The following GABRA1 variants were observed in gnomAD, a reference collection of about 807,000 sequenced individuals.
The protein encoded by GABRA1 is gamma-aminobutyric acid receptor subunit alpha-1.
A neutral mutation model predicts 48.9 loss-of-function variants in GABRA1; 9 were observed. The observed-to-expected ratio is 0.18, with a 90% CI of 0.11 to 0.32. The LOEUF (loss-of-function observed/expected upper bound fraction) is 0.32, where lower values mean the gene tolerates loss of function less well. Among genes scored for constraint, GABRA1 ranks in the 10% least tolerant of loss-of-function variants. The pLI is 1.00. For missense variants in GABRA1, 285 were observed against 553.8 expected, an observed-to-expected ratio of 0.51 and a Z score of 4.87; for synonymous variants, 210 against 198.7, an observed-to-expected ratio of 1.06 and a Z score of -0.48.
At chr5:161,858,684 G>A (rs1031112267) in intron 3 of GABRA1, among the ~76,000 whole-genome samples, 6 of 151,696 alleles carry the variant, frequency 4.0e-5, no homozygotes, top group Non-Finnish European at 8.9e-5. Flanking sequence ...ACAAATTAGG[G>A]CAGATACTTC....
intron 1 of GABRA1, chr5:161,849,152 C>A: frequency 3.6e-6 from 1 of 279,126 alleles, no homozygotes; most frequent in South Asian, 2.9e-5. Flanking sequence ...ACTTTCTTAA[C>A]AACTGAAGTG....
At chr5:161,880,840 T>C (rs1251652745) in intron 6 of GABRA1, among the ~76,000 whole-genome samples, 3 of 152,148 alleles carry the variant, frequency 2.0e-5, no homozygotes, top group Non-Finnish European at 2.9e-5. Context: ...ACTATAGTTT[T>C]ACACCTCACT....
At chr5:161,893,120 G>C (rs1388553442) in intron 8 of GABRA1, among the ~76,000 whole-genome samples, 3 of 151,134 alleles carry the variant, frequency 2.0e-5, no homozygotes, top group African/African-American at 4.9e-5. Flanking sequence ...ATTGGAAAAG[G>C]TTCCTTTAAA....
chr5:161,892,080 G>A (rs898246088), intron 8 of GABRA1, among the ~76,000 whole-genome samples: 20 of 152,262 alleles, frequency 1.3e-4, no homozygotes, highest in African/African-American at 4.1e-4. Context: ...GAGTCTGTTC[G>A]CCTAATGACA....
intron 7 of GABRA1, among the ~76,000 whole-genome samples, chr5:161,883,098 C>G (rs1432530841): frequency 6.6e-6 from 1 of 152,060 alleles, no homozygotes; most frequent in Non-Finnish European, 1.5e-5. Context: ...AATTCCTGAC[C>G]CATCAAAAGC....
intron 8 of GABRA1, among the ~76,000 whole-genome samples, chr5:161,894,897 G>A (rs1462217970): frequency 3.8e-5 from 5 of 130,038 alleles, no homozygotes; most frequent in African/African-American, 1.1e-4. Context: ...GGAAAGATGA[G>A]GCAGTCTTAT....
At chr5:161,857,833 G>A (rs994548408) in intron 3 of GABRA1, among the ~76,000 whole-genome samples, 2 of 151,450 alleles carry the variant, frequency 1.3e-5, no homozygotes, top group African/African-American at 4.8e-5. Flanking sequence ...ACTTTATTTG[G>A]TGGCAAGGTG....
chr5:161,864,733 A>G (rs1381893382), intron 3 of GABRA1, among the ~76,000 whole-genome samples: 1 of 151,910 alleles, frequency 6.6e-6, no homozygotes, highest in African/African-American at 2.4e-5. Flanking sequence ...ACATTTTATA[A>G]ATGTTTGTTT....
chr5:161,880,426 A>G (rs1257898742), intron 6 of GABRA1, among the ~76,000 whole-genome samples: 1 of 152,176 alleles, frequency 6.6e-6, no homozygotes, highest in Non-Finnish European at 1.5e-5. Context: ...AGATTTGTAA[A>G]TCACATTTTA....
intron 3 of GABRA1, among the ~76,000 whole-genome samples, chr5:161,860,162 T>C (rs1250164736): frequency 6.6e-6 from 1 of 151,832 alleles, no homozygotes; most frequent in African/African-American, 2.4e-5. Flanking sequence ...CTGGCTGAGG[T>C]CTACCATCAG....
chr5:161,889,084 G>T lies in GABRA1; in HGVS notation c.704-1814G>T, dbSNP rs147386542. 3.6e-3 allele frequency among the ~76,000 whole-genome samples: 540 copies of T among 152,068 alleles called. 2 individuals are homozygous for T. Among genetic ancestry groups the T allele is most frequent in the African/African-American group, 0.012 (511 of 41,522 alleles). ...TATAAATATATACAAGAGATATAAA[G>T]TTGAACACAGTAAGTGTTTAGTAAA... On this transcript the variant is annotated intron_variant, in intron 7 of 9. Coordinates refer to ENST00000393943, the MANE Select transcript of GABRA1 (RefSeq NM_001127644.2).
chr5:161,874,321 T>G (rs1754251492), intron 5 of GABRA1, among the ~76,000 whole-genome samples: 1 of 152,144 alleles, frequency 6.6e-6, no homozygotes, highest in African/African-American at 2.4e-5. Flanking sequence ...TTGAGCCAAC[T>G]AATTAAAATG....
At chr5:161,860,042 G>T (rs752844604) in intron 3 of GABRA1, among the ~76,000 whole-genome samples, 1 of 151,798 alleles carries the variant, frequency 6.6e-6, no homozygotes, top group East Asian at 1.9e-4. Flanking sequence ...CATTTCCACA[G>T]AAATACTGTA....
At chr5:161,871,778 T>C (rs182719407) in intron 4 of GABRA1, among the ~76,000 whole-genome samples, 85 of 152,302 alleles carry the variant, frequency 5.6e-4, no homozygotes, top group African/African-American at 1.9e-3. Context: ...TTGTCTTGTC[T>C]ACAAAGACAG....
chr5:161,895,279 A>C (rs548984235), intron 8 of GABRA1, among the ~76,000 whole-genome samples: 1 of 152,182 alleles, frequency 6.6e-6, no homozygotes, highest in East Asian at 1.9e-4. Context: ...CTGAGTATCC[A>C]GAAGTTACCT....
chr5:161,854,393 A>G, intron 3 of GABRA1, 123 bp downstream of exon 3: 1 of 707,032 alleles, frequency 1.4e-6, no homozygotes, highest in Non-Finnish European at 2.6e-6. Context: ...TGACAAATCT[A>G]TTTTTAATGG....
chr5:161,888,261 T>C (rs902561817), intron 7 of GABRA1, among the ~76,000 whole-genome samples: 3 of 152,132 alleles, frequency 2.0e-5, no homozygotes, highest in Non-Finnish European at 4.4e-5. Flanking sequence ...TTTTTGTTTT[T>C]GTTGTGTTTT....
At chr5:161,848,623 C>G (rs1026731944) in intron 1 of GABRA1, 4 of 192,242 alleles carry the variant, frequency 2.1e-5, no homozygotes, top group African/African-American at 7.3e-5. Context: ...GTAGAAACAA[C>G]GAAATGTTTT....
intron 4 of GABRA1, among the ~76,000 whole-genome samples, chr5:161,868,362 G>T (rs918847202): frequency 6.6e-6 from 1 of 151,952 alleles, no homozygotes; most frequent in African/African-American, 2.4e-5. Flanking sequence ...ACTCTTATAG[G>T]CAGCCAGCAG....
Sources: gnomAD v4.1 joint callset for allele counts (sites outside exome capture counted in the v4.1 genomes callset) on GRCh38, gnomAD v4.1.1 for gene constraint, MANE v1.5 for transcripts, NCBI Gene and HGNC (gene_info 2026-07-23, HGNC 2026-07-21) for gene names.